E2F3: variants seen among roughly 807,000 people sequenced by gnomAD.
The protein encoded by E2F3 is E2F transcription factor 3, also known as transcription factor E2F3.
Under a neutral mutation model 44.4 loss-of-function variants are expected in E2F3, and 11 were observed. That is an observed-to-expected ratio of 0.25 (90% CI 0.16 to 0.41). The LOEUF (loss-of-function observed/expected upper bound fraction) is 0.41, where lower values mean the gene tolerates loss of function less well. Among genes scored for constraint, E2F3 ranks in the 10% least tolerant of loss-of-function variants. The pLI is 1.00. For synonymous variants in E2F3, 249 were observed against 253.0 expected, an observed-to-expected ratio of 0.98 and a Z score of 0.15; for missense variants, 487 against 583.6, an observed-to-expected ratio of 0.83 and a Z score of 1.70.
intron 1 of E2F3, among the ~76,000 whole-genome samples, chr6:20,473,970 A>G (rs1163689254): frequency 6.6e-6 from 1 of 152,212 alleles, no homozygotes; most frequent in Non-Finnish European, 1.5e-5. Context: ...CTTGGAGACT[A>G]ATAGAAACTA....
intron 5 of E2F3, among the ~76,000 whole-genome samples, chr6:20,487,688 C>T (rs984172041): frequency 1.3e-5 from 2 of 152,196 alleles, no homozygotes; most frequent in African/African-American, 4.8e-5. Context: ...CCCCCAAGCC[C>T]CACTAAAATA....
intron 1 of E2F3, among the ~76,000 whole-genome samples, chr6:20,469,180 T>C (rs1333902750): frequency 2.0e-5 from 3 of 152,254 alleles, no homozygotes; most frequent in African/African-American, 4.8e-5. Context: ...AGTATATTAT[T>C]TGATACTGCA....
intron 1 of E2F3, among the ~76,000 whole-genome samples, chr6:20,419,099 G>A (rs2127589035): frequency 6.6e-6 from 1 of 152,206 alleles, no homozygotes; most frequent in Middle Eastern, 3.4e-3. Context: ...CTTTTGCTTA[G>A]TATTTCCAGA....
chr6:20,451,247 C>A (rs1481521268), intron 1 of E2F3, among the ~76,000 whole-genome samples: 1 of 152,016 alleles, frequency 6.6e-6, no homozygotes, highest in East Asian at 1.9e-4. Flanking sequence ...TCTCTGATTT[C>A]TTTGAAGAGT....
Position 20,492,944 on chromosome 6 carries a change from G to A in E2F3, c.*2514G>A, listed in dbSNP as rs1253295435. Reference sequence around the variant, plus strand: ...GTTGCTGCTATTAAAGCTCACACACGAAATGGCTAAAAGTTACAAGTGTGC... The same window carrying A: ...GTTGCTGCTATTAAAGCTCACACACAAAATGGCTAAAAGTTACAAGTGTGC... On this transcript the variant is annotated 3_prime_UTR_variant, in exon 7 of 7. Transcript: ENST00000346618. 9.2e-6 allele frequency: 2 copies of A among 216,272 alleles called. No individual in the cohort carries two copies. The highest frequency in any genetic ancestry group is 9.3e-6 in the Non-Finnish European group (1 of 107,224). The allele number at this position is 216,272 out of a possible 1,614,324, so 13.4% of individuals were successfully genotyped here. A position where few individuals can be genotyped will look rare whatever the true frequency, so the allele number is the denominator to read the frequency against.
chr6:20,441,703 T>C (rs572591882), intron 1 of E2F3, among the ~76,000 whole-genome samples: 1 of 151,342 alleles, frequency 6.6e-6, no homozygotes, highest in Non-Finnish European at 1.5e-5. Flanking sequence ...ACCTCCTAAG[T>C]AGCTGAGATC....
intron 1 of E2F3, among the ~76,000 whole-genome samples, chr6:20,418,250 A>G (rs931498531): frequency 2.6e-5 from 4 of 152,238 alleles, no homozygotes; most frequent in Non-Finnish European, 5.9e-5. Flanking sequence ...CGCTGTCCAT[A>G]TAGTCGAGTT....
intron 1 of E2F3, among the ~76,000 whole-genome samples, chr6:20,474,650 G>A (rs1761991299): frequency 2.0e-5 from 3 of 152,242 alleles, no homozygotes; most frequent in African/African-American, 7.2e-5. Context: ...GCAGGGTGGT[G>A]TAGACAGAGC....
At chr6:20,488,334 A>G in intron 6 of E2F3, 86 bp downstream of exon 6, 1 of 1,433,888 alleles carries the variant, frequency 7.0e-7, no homozygotes. Flanking sequence ...AAGCCTAGGC[A>G]AGAAACACAA....
chr6:20,488,728 G>A (rs1561889253), intron 6 of E2F3, among the ~76,000 whole-genome samples: 2 of 152,194 alleles, frequency 1.3e-5, no homozygotes, highest in African/African-American at 2.4e-5. Context: ...GGGTGCGGTG[G>A]CTCACACCTG....
intron 2 of E2F3, among the ~76,000 whole-genome samples, chr6:20,480,727 A>T (rs900029165): frequency 1.3e-5 from 2 of 152,296 alleles, no homozygotes; most frequent in Middle Eastern, 3.4e-3. Context: ...TGAACAGGTG[A>T]TACACGCACA....
At chr6:20,429,830 T>A (rs1760339984) in intron 1 of E2F3, among the ~76,000 whole-genome samples, 1 of 152,134 alleles carries the variant, frequency 6.6e-6, no homozygotes, top group South Asian at 2.1e-4. Flanking sequence ...TGCTCTTTTT[T>A]ATGCAAATAA....
chr6:20,414,191 A>G (rs556524802), intron 1 of E2F3, among the ~76,000 whole-genome samples: 1 of 152,360 alleles, frequency 6.6e-6, no homozygotes, highest in African/African-American at 2.4e-5. Flanking sequence ...AAAACCTTTC[A>G]TCATTTTCAC....
chr6:20,428,876 A>G (rs553608737), intron 1 of E2F3, among the ~76,000 whole-genome samples: 3 of 152,236 alleles, frequency 2.0e-5, no homozygotes, highest in African/African-American at 7.2e-5. Context: ...CCCTACAATG[A>G]TATTTTTAGA....
At chr6:20,479,660 C>T (rs1762157700) in intron 1 of E2F3, among the ~76,000 whole-genome samples, 186 bp from the exon 2 acceptor site, 1 of 152,196 alleles carries the variant, frequency 6.6e-6, no homozygotes, top group Non-Finnish European at 1.5e-5. Context: ...AGAGAGTGTG[C>T]ATGACAACCC....
In E2F3 at chr6:20,402,515, G is replaced by C. The variant is rs751472455; in HGVS notation, c.283G>C (p.Ala95Pro). 10 of 1,601,790 alleles carry C rather than the reference G, an allele frequency of 6.2e-6. No individual in the cohort carries two copies. The highest frequency in any genetic ancestry group is 7.6e-6 in the Non-Finnish European group (9 of 1,178,666). ...CAGTGCCCCCGGCGCGGAGCAGACC[G>C]CCGGCAGCCTCCTCTACACCACGCC... ...LPSAPGAEQT[A>P]GSLLYTTPHG... The change falls in exon 1 of 7, where the codon GCC becomes CCC. Residue 95 changes from alanine to proline, a missense_variant. This residue lies in a region of E2F3 where 238 missense variants were observed against 236.0 expected (regional missense o/e 1.01). Coordinates refer to ENST00000346618, the MANE Select transcript of E2F3 (RefSeq NM_001949.5). This position sits in a 1 kb window ranked among gnomAD's most constrained non-coding sequence, Gnocchi z 5.6.
chr6:20,444,543 T>TA (rs1339291869), intron 1 of E2F3, among the ~76,000 whole-genome samples: 1 of 152,216 alleles, frequency 6.6e-6, no homozygotes, highest in East Asian at 1.9e-4. Context: ...TAGTCTTTTT[T>TA]AGAAAGTCTA....
chr6:20,490,088 A>G lies in E2F3; in HGVS notation c.1136-80A>G. 1 of 1,437,990 alleles carries G rather than the reference A, an allele frequency of 7.0e-7. No individual in the cohort carries two copies. The highest frequency in any genetic ancestry group is 9.3e-7 in the Non-Finnish European group (1 of 1,070,996). The allele number at this position is 1,437,990 out of a possible 1,614,324, so 89.1% of individuals were successfully genotyped here. The stretch of plus-strand genomic sequence containing the variant: ...CGGAAGGTACATGCTTTTTTCTAAC[A>G]GCAACATATACATTCTTCCAGAAAA... On this transcript the variant is annotated intron_variant, in intron 6 of 6. Transcript: ENST00000346618. This position sits in a 1 kb window ranked among gnomAD's most constrained non-coding sequence, Gnocchi z 4.3.
chr6:20,414,455 A>G (rs9460501), intron 1 of E2F3, among the ~76,000 whole-genome samples: 60,363 of 150,676 alleles, frequency 0.4, 12,141 homozygotes, highest in East Asian at 0.47. Context: ...GATTTCCTAC[A>G]CTCTCTGATT....
Sources: allele counts gnomAD v4.1 joint callset (sites outside exome capture counted in the v4.1 genomes callset), GRCh38; gene constraint gnomAD v4.1.1; regional missense constraint gnomAD v4.1.1; non-coding constraint Gnocchi (gnomAD v3.1); transcripts MANE v1.5; gene names NCBI Gene and HGNC (gene_info 2026-07-23, HGNC 2026-07-21).